The following PCDHGA1 variants were observed in gnomAD, a reference collection of about 807,000 sequenced individuals.
The protein encoded by PCDHGA1 is protocadherin gamma subfamily A, 1, also known as protocadherin gamma-A1.
Under a neutral mutation model 58.0 loss-of-function variants are expected in PCDHGA1, and 32 were observed. That is an observed-to-expected ratio of 0.55 (90% CI 0.42 to 0.74). The LOEUF is 0.74. PCDHGA1 is among the 30% of genes least tolerant of loss of function. The pLI is 0.00. For missense variants in PCDHGA1, 1,205 were observed against 1,182.3 expected, an observed-to-expected ratio of 1.02 and a Z score of -0.28; for synonymous variants, 498 against 501.1, an observed-to-expected ratio of 0.99 and a Z score of 0.08.
intron 2 of PCDHGA1, among the ~76,000 whole-genome samples, chr5:141,500,333 A>G (rs1237684682): frequency 6.6e-6 from 1 of 151,336 alleles, no homozygotes; most frequent in Non-Finnish European, 1.5e-5. Context: ...CTCAGCCTCC[A>G]GAATAGCTGG....
intron 1 of PCDHGA1, among the ~76,000 whole-genome samples, chr5:141,484,281 C>T (rs969039536): frequency 6.6e-6 from 1 of 152,202 alleles, no homozygotes; most frequent in Admixed American, 6.5e-5. Context: ...TGTTTTGAAA[C>T]ATCTCCCTCT....
rs762061396 is a variant in PCDHGA1, at chr5:141,346,130, G to A, written c.2421+13025G>A. ...TGTACCTGGTGGTGGCGGTGGCCGC[G>A]GTCTCCTGCGTCTTCCTGGCCTTCG... On this transcript the variant is annotated intron_variant, in intron 1 of 3. Coordinates refer to ENST00000517417, the MANE Select transcript of PCDHGA1 (RefSeq NM_018912.3). 1.9e-5 allele frequency: 30 copies of A among 1,613,802 alleles called. No homozygotes were observed. The African/African-American group carries it at 2.9e-4, about 16-fold the overall frequency.
At chr5:141,352,905 T>C (rs1759140498) in intron 1 of PCDHGA1, among the ~76,000 whole-genome samples, 1 of 152,122 alleles carries the variant, frequency 6.6e-6, no homozygotes, top group Non-Finnish European at 1.5e-5. Flanking sequence ...GGAGGATCGC[T>C]TGAGCCCGGG....
chr5:141,429,387 T>TTAA (rs775632416), intron 1 of PCDHGA1, among the ~76,000 whole-genome samples: 1 of 151,334 alleles, frequency 6.6e-6, no homozygotes, highest in Non-Finnish European at 1.5e-5. Flanking sequence ...GTTTTTTTTT[T>TTAA]AAAAAAAATT....
chr5:141,355,664 C>T (rs1282736440), intron 1 of PCDHGA1: 2 of 1,613,972 alleles, frequency 1.2e-6, no homozygotes, highest in Admixed American at 3.3e-5. Flanking sequence ...TTTCCTCTTC[C>T]TGAAGCTTTT....
chr5:141,403,401 C>T (rs746777998), intron 1 of PCDHGA1: 1 of 1,614,052 alleles, frequency 6.2e-7, no homozygotes, highest in South Asian at 1.1e-5. Context: ...GTTCCTGGAG[C>T]ACGTTATCCA....
chr5:141,498,042 A>G (rs1189035278), intron 2 of PCDHGA1, among the ~76,000 whole-genome samples: 2 of 152,238 alleles, frequency 1.3e-5, no homozygotes, highest in Non-Finnish European at 2.9e-5. Flanking sequence ...AATAATTACA[A>G]AAATAAATGT....
rs13436436 is a variant in PCDHGA1 at position 141,494,301 on chromosome 5, G to C, written c.2422-506G>C. Among the ~76,000 whole-genome samples, 1,119 of 152,302 alleles carry C rather than the reference G, an allele frequency of 7.3e-3. 11 individuals carry two copies. The highest frequency in any genetic ancestry group is 0.026 in the African/African-American group (1,077 of 41,560). Reference sequence around the variant, plus strand: ...CCAGAGAAGATGTCCCTGTGAATGTGTCACTGCACAACCTGGCACCAAAAG... The same window carrying C: ...CCAGAGAAGATGTCCCTGTGAATGTCTCACTGCACAACCTGGCACCAAAAG... On this transcript the variant is annotated intron_variant, in intron 1 of 3. Coordinates refer to ENST00000517417, the MANE Select transcript of PCDHGA1 (RefSeq NM_018912.3).
intron 1 of PCDHGA1, chr5:141,441,650 G>C (rs932742795): frequency 8.4e-6 from 2 of 238,510 alleles, no homozygotes; most frequent in African/African-American, 2.4e-5. Context: ...TGTGATTCTA[G>C]GTGTCCTTGA....
chr5:141,502,450 C>T (rs184669731), intron 2 of PCDHGA1, among the ~76,000 whole-genome samples: 3 of 152,010 alleles, frequency 2.0e-5, no homozygotes, highest in Admixed American at 1.3e-4. Context: ...AGATTACACA[C>T]CTTGGTAGGA....
At chr5:141,345,715 A>G (rs376458225) in intron 1 of PCDHGA1, 4 of 1,614,112 alleles carry the variant, frequency 2.5e-6, no homozygotes, top group Admixed American at 3.3e-5. Context: ...AACGCGCCCG[A>G]GATCCTGTAC....
chr5:141,497,739 A>G (rs1180122239), intron 2 of PCDHGA1, among the ~76,000 whole-genome samples: 1 of 152,118 alleles, frequency 6.6e-6, no homozygotes, highest in Admixed American at 6.6e-5. Flanking sequence ...GGGTTTCGCC[A>G]CGTTGGCCAG....
intron 1 of PCDHGA1, chr5:141,355,965 T>C: frequency 6.2e-7 from 1 of 1,613,884 alleles, no homozygotes; most frequent in South Asian, 1.1e-5. Context: ...GTGAGAACGT[T>C]CCTGTAGGCA....
intron 1 of PCDHGA1, chr5:141,339,771 C>G: frequency 6.2e-7 from 1 of 1,614,182 alleles, no homozygotes; most frequent in Non-Finnish European, 8.5e-7. Context: ...GTGACCGCCA[C>G]TGACGCAGAT....
At chr5:141,412,133 C>T (rs2095537829) in intron 1 of PCDHGA1, 1 of 152,184 alleles carries the variant, frequency 6.6e-6, no homozygotes, top group African/African-American at 2.4e-5. Flanking sequence ...GGACTTTGGC[C>T]TCTGATACAA....
chr5:141,357,336 A>G, intron 1 of PCDHGA1: 2 of 1,614,110 alleles, frequency 1.2e-6, no homozygotes, highest in Non-Finnish European at 8.5e-7. Context: ...CGGTGCTGCT[A>G]GCACTCAAGC....
intron 1 of PCDHGA1, among the ~76,000 whole-genome samples, chr5:141,468,791 G>A (rs941787269): frequency 2.6e-5 from 4 of 151,954 alleles, no homozygotes; most frequent in East Asian, 3.9e-4. Context: ...GCGTGAACCC[G>A]GGAGGCGGAA....
At position 141,404,162 on chromosome 5, in the gene PCDHGA1, T is replaced by C. The variant is rs768188662; in HGVS notation, c.2421+71057T>C. The C allele has an allele frequency of 2.0e-5, 33 of 1,613,076 alleles. No homozygotes were observed. In the East Asian group the frequency reaches 7.4e-4, roughly 36 times the overall value. ...AAATTCAGAAGAAGATTATTACAGA[T>C]TGTTGACGGCCCAAATTCTTGACCG... On this transcript the variant is annotated intron_variant, in intron 1 of 3. Transcript: ENST00000517417.
chr5:141,423,335 G>T (rs781241820), intron 1 of PCDHGA1: 11 of 1,614,046 alleles, frequency 6.8e-6, no homozygotes, highest in Non-Finnish European at 9.3e-6. Context: ...GCAGTCTCCT[G>T]CATCTTCCTG....
Sources: gnomAD v4.1 joint callset for allele counts (sites outside exome capture counted in the v4.1 genomes callset) on GRCh38, gnomAD v4.1.1 for gene constraint, MANE v1.5 for transcripts, NCBI Gene and HGNC (gene_info 2026-07-23, HGNC 2026-07-21) for gene names.